The following ARHGEF40 variants were observed in gnomAD, a reference collection of about 807,000 sequenced individuals.
ARHGEF40 encodes Rho guanine nucleotide exchange factor (GEF) 40.
Under a neutral mutation model 165.9 loss-of-function variants are expected in ARHGEF40, and 98 were observed. The ratio of observed to expected loss-of-function variants is 0.59; its 90% CI spans 0.50 to 0.70. ARHGEF40 has a LOEUF of 0.70. Among genes scored for constraint, ARHGEF40 ranks in the 30% least tolerant of loss-of-function variants. ARHGEF40 has a pLI of 0.00. For missense variants in ARHGEF40, 1,815 were observed against 1,968.0 expected, an observed-to-expected ratio of 0.92 and a Z score of 1.47; for synonymous variants, 792 against 814.3, an observed-to-expected ratio of 0.97 and a Z score of 0.47.
At chr14:21,085,953 A>G in intron 19 of ARHGEF40, 87 bp downstream of exon 19, 1 of 1,433,216 alleles carries the variant, frequency 7.0e-7, no homozygotes, top group South Asian at 1.2e-5. Flanking sequence ...GCTTGGGAAA[A>G]CAGTTTATAG....
intron 17 of ARHGEF40, among the ~76,000 whole-genome samples, 158 bp downstream of exon 17, chr14:21,084,208 T>C (rs1888165979): frequency 2.0e-5 from 3 of 152,234 alleles, no homozygotes; most frequent in Non-Finnish European, 1.5e-5. Context: ...TGAACTTCAC[T>C]GGACTTCACT....
chr14:21,081,282 A>G, intron 13 of ARHGEF40: 1 of 779,296 alleles, frequency 1.3e-6, no homozygotes. Context: ...CCTGCCACTC[A>G]TAAATGTCGT....
Position 21,075,569 on chromosome 14 carries a change from T to TG in ARHGEF40, c.1619-71dup. ...GAAGCAATTGGGTGGGCTTGGGGACTGGGGGAGGCAGGGTGGAAAGGAGGT... is the reference window on the plus strand; with the variant it reads ...GAAGCAATTGGGTGGGCTTGGGGACTGGGGGGAGGCAGGGTGGAAAGGAGGT... On this transcript the variant is annotated intron_variant, in intron 4 of 23. Transcript: ENST00000298694. The surrounding 1 kb of genome is among the most constrained non-coding windows in gnomAD (Gnocchi z 4.5). The TG allele has an allele frequency of 1.2e-6, 2 of 1,609,476 alleles. No homozygotes were observed. The highest frequency in any genetic ancestry group is 1.7e-6 in the Non-Finnish European group (2 of 1,177,874).
chr14:21,082,350 C>A lies in ARHGEF40; in HGVS notation c.3358C>A (p.Arg1120=). 6.2e-7 allele frequency: 1 copy of A among 1,612,132 alleles called. No individual in the cohort carries two copies. The highest frequency in any genetic ancestry group is 1.1e-5 in the South Asian group (1 of 91,066). The stretch of plus-strand genomic sequence containing the variant: ...TGGGCCTGAGCTGACGCCTGAACTT[C>A]GGGGCACCTGGGCTGCTGCCCTGAG... ...PPGPELTPEL[R]GTWAAALSAR... The change falls in exon 15 of 24, where the codon CGG becomes AGG. Residue 1120 remains arginine (R), a synonymous_variant. Coordinates refer to ENST00000298694, the MANE Select transcript of ARHGEF40 (RefSeq NM_018071.5).
chr14:21,079,851 A>G (rs1293154417), intron 11 of ARHGEF40, among the ~76,000 whole-genome samples: 1 of 152,146 alleles, frequency 6.6e-6, no homozygotes, highest in Non-Finnish European at 1.5e-5. Context: ...TTTAAAAACA[A>G]GATTTGGAGT....
intron 8 of ARHGEF40, among the ~76,000 whole-genome samples, chr14:21,077,865 C>G (rs1887552503): frequency 6.6e-6 from 1 of 152,118 alleles, no homozygotes; most frequent in Non-Finnish European, 1.5e-5. Context: ...GGGGGAAGCC[C>G]CACTGAAGAC....
Position 21,074,455 on chromosome 14 carries a change from A to G in ARHGEF40, c.725A>G (p.Tyr242Cys), listed in dbSNP as rs1049622896. 2.4e-5 allele frequency: 38 copies of G among 1,595,578 alleles called. No homozygotes were observed. The highest frequency in any genetic ancestry group is 3.0e-5 in the Non-Finnish European group (35 of 1,171,606). The change falls in exon 3 of 24, where the codon TAT (tyrosine) becomes TGT (cysteine). Residue 242 changes from tyrosine (Y) to cysteine (C), a missense_variant. By Grantham distance (194) the Tyr-to-Cys change is radical. Coordinates refer to ENST00000298694, the MANE Select transcript of ARHGEF40 (RefSeq NM_018071.5). This position sits in a 1 kb window ranked among gnomAD's most constrained non-coding sequence, Gnocchi z 4.8. ...NAPVEGPEGE[Y>C]VELLEVTLPV... ...CCTGTGGAAGGACCTGAGGGCGAGTATGTGGAGCTGTTAGAGGTGACGCTG... is the reference window on the plus strand; with the variant it reads ...CCTGTGGAAGGACCTGAGGGCGAGTGTGTGGAGCTGTTAGAGGTGACGCTG...
chr14:21,075,480 T>C lies in ARHGEF40; in HGVS notation c.1599T>C (p.Ser533=), dbSNP rs937146096. ...HPDVAWDLMA[S]GFLILTGGVD... The stretch of plus-strand genomic sequence containing the variant: ...ATGTAGCTTGGGACTTGATGGCATC[T>C]GGATTCCTCATCCTGACGGGTCAGT... The change falls in exon 4 of 24, where the codon TCT becomes TCC. Residue 533 remains serine, a synonymous_variant. Coordinates refer to ENST00000298694, the MANE Select transcript of ARHGEF40 (RefSeq NM_018071.5). The surrounding 1 kb of genome is among the most constrained non-coding windows in gnomAD (Gnocchi z 4.5). The C allele has an allele frequency of 6.2e-7, 1 of 1,614,044 alleles. No homozygotes were observed. Among genetic ancestry groups the C allele is most frequent in the African/African-American group, 1.3e-5 (1 of 74,928 alleles).
chr14:21,064,240 T>C, the ARHGEF40 span, among the ~76,000 whole-genome samples: 6 of 152,156 alleles, frequency 3.9e-5, no homozygotes, highest in Admixed American at 1.3e-4. Context: ...AAGTTAAACA[T>C]AATATAAATT....
Position 21,080,877 on chromosome 14 carries a change from G to A in ARHGEF40, c.2501G>A (p.Arg834His), listed in dbSNP as rs115089967. The A allele has an allele frequency of 3.7e-4, 594 of 1,613,498 alleles. No homozygotes were observed. The highest frequency in any genetic ancestry group is 3.1e-3 in the African/African-American group (234 of 75,030). Residue 834 changes from arginine (R) to histidine (H), a missense_variant, in exon 13 of 24, where the codon CGC becomes CAC. By Grantham distance (29) the Arg-to-His change is conservative. Transcript: ENST00000298694. ...FRAFSAEVQE[R>H]LAQAREALAL... Reference sequence around the variant, plus strand: ...AGCGCAGCCTCCCTTCTCCAGGAGCGCCTGGCCCAGGCACGGGAGGCCCTG... The same window carrying A: ...AGCGCAGCCTCCCTTCTCCAGGAGCACCTGGCCCAGGCACGGGAGGCCCTG...
In ARHGEF40 at chr14:21,076,420, G is replaced by C; in HGVS notation, c.1800G>C (p.Leu600=). The change falls in exon 6 of 24, where the codon CTG becomes CTC. Residue 600 remains leucine (L), a synonymous_variant. Coordinates refer to ENST00000298694, the MANE Select transcript of ARHGEF40 (RefSeq NM_018071.5). ...VLLDLRQAPP[L]PPALIPALSQ... ...TGGACCTTCGTCAGGCACCTCCACT[G>C]CCTCCAGCACTCATTCCTGCCTTGA... 6.2e-7 allele frequency: 1 copy of C among 1,613,758 alleles called. No homozygotes were observed. The highest frequency in any genetic ancestry group is 8.5e-7 in the Non-Finnish European group (1 of 1,180,034).
chr14:21,074,572 G>A lies in ARHGEF40; in HGVS notation c.842G>A (p.Gly281Asp). The change falls in exon 3 of 24, where the codon GGC (glycine) becomes GAC (aspartate). Residue 281 changes from glycine (G) to aspartate (D), a missense_variant. Physicochemically the swap from Gly to Asp is moderately conservative, Grantham distance 94 (BLOSUM62 -1). Coordinates refer to ENST00000298694, the MANE Select transcript of ARHGEF40 (RefSeq NM_018071.5). This position sits in a 1 kb window ranked among gnomAD's most constrained non-coding sequence, Gnocchi z 4.8. The part of the protein sequence containing the change: ...VPTRKGAGGK[G>D]RHRRHRAWMH... Reference sequence around the variant, plus strand: ...ACCCGCAAGGGCGCTGGAGGGAAGGGCCGCCACCGGAGACACCGGGCGTGG... The same window carrying A: ...ACCCGCAAGGGCGCTGGAGGGAAGGACCGCCACCGGAGACACCGGGCGTGG... The A allele has an allele frequency of 6.4e-7, 1 of 1,554,828 alleles. No individual in the cohort carries two copies. Among genetic ancestry groups the A allele is most frequent in the South Asian group, 1.2e-5 (1 of 83,978 alleles).
chr14:21,082,388 G>A lies in ARHGEF40; in HGVS notation c.3396G>A (p.Arg1132=), dbSNP rs549512099. ...TWAAALSARE[R]LRSFHRTHFL... The stretch of plus-strand genomic sequence containing the variant: ...CTGCTGCCCTGAGTGCCCGGGAAAG[G>A]CTTCGCAGCTTCCACCGGACACACT... The change falls in exon 15 of 24, where the codon AGG becomes AGA. Residue 1132 remains arginine, a synonymous_variant. Transcript: ENST00000298694. 6.2e-7 allele frequency: 1 copy of A among 1,611,628 alleles called. No individual in the cohort carries two copies. Among genetic ancestry groups the A allele is most frequent in the South Asian group, 1.1e-5 (1 of 91,062 alleles).
In ARHGEF40 at chr14:21,080,863, C is replaced by G; in HGVS notation, c.2497-10C>G. 1 of 1,612,636 alleles carries G rather than the reference C, an allele frequency of 6.2e-7. No individual in the cohort carries two copies. Among genetic ancestry groups the G allele is most frequent in the Non-Finnish European group, 8.5e-7 (1 of 1,179,226 alleles). ...GAGGACCAGGTCTGAGCGCAGCCTCCCTTCTCCAGGAGCGCCTGGCCCAGG... is the reference window on the plus strand; with the variant it reads ...GAGGACCAGGTCTGAGCGCAGCCTCGCTTCTCCAGGAGCGCCTGGCCCAGG... On this transcript the variant is annotated splice_polypyrimidine_tract_variant and intron_variant, in intron 12 of 23. Coordinates refer to ENST00000298694, the MANE Select transcript of ARHGEF40 (RefSeq NM_018071.5).
At chr14:21,080,386 C>A (rs1295984320) in intron 11 of ARHGEF40, among the ~76,000 whole-genome samples, 1 of 152,160 alleles carries the variant, frequency 6.6e-6, no homozygotes, top group African/African-American at 2.4e-5. Flanking sequence ...ACTTCACCCT[C>A]GGACATAGCC....
chr14:21,063,016 G>C, the ARHGEF40 span, among the ~76,000 whole-genome samples: 2 of 151,406 alleles, frequency 1.3e-5, no homozygotes, highest in African/African-American at 4.9e-5. Flanking sequence ...TGTAGTTCCA[G>C]CTACTGGGGA....
At chr14:21,085,321 T>C (rs1158273625) in intron 18 of ARHGEF40, among the ~76,000 whole-genome samples, 1 of 152,140 alleles carries the variant, frequency 6.6e-6, no homozygotes, top group Non-Finnish European at 1.5e-5. Context: ...CAGATAAGCA[T>C]TTATAGCAAC....
chr14:21,076,919 C>G (rs1468519600), intron 8 of ARHGEF40, 29 bp downstream of exon 8: 2 of 1,574,960 alleles, frequency 1.3e-6, no homozygotes, highest in African/African-American at 2.7e-5. Context: ...ACCTAGCATG[C>G]TGGGAGCCAG....
intron 11 of ARHGEF40, among the ~76,000 whole-genome samples, chr14:21,080,450 A>T (rs1357261450): frequency 6.6e-6 from 1 of 152,064 alleles, no homozygotes; most frequent in African/African-American, 2.4e-5. Context: ...CTTCCCTCTC[A>T]TCTGCCTTAC....
Sources: allele counts gnomAD v4.1 joint callset (sites outside exome capture counted in the v4.1 genomes callset), GRCh38; gene constraint gnomAD v4.1.1; non-coding constraint Gnocchi (gnomAD v3.1); transcripts MANE v1.5; gene names NCBI Gene and HGNC (gene_info 2026-07-23, HGNC 2026-07-21).